Variants in HS3ST3A1 observed in about 807,000 individuals in gnomAD.
The protein encoded by HS3ST3A1 is heparan sulfate glucosamine 3-O-sulfotransferase 3A1.
HS3ST3A1 carries 19 observed loss-of-function variants against 25.7 expected under a neutral mutation model. That is an observed-to-expected ratio of 0.74 (90% confidence interval 0.52 to 1.08). HS3ST3A1 has a LOEUF of 1.08. Among genes scored for constraint, HS3ST3A1 ranks in the 50% least tolerant of loss-of-function variants. The pLI is 0.00. For missense variants in HS3ST3A1, 459 were observed against 594.3 expected, an observed-to-expected ratio of 0.77 and a Z score of 2.37; for synonymous variants, 226 against 278.6, an observed-to-expected ratio of 0.81 and a Z score of 1.88.
chr17:13,533,935 A>G (rs922339956), intron 1 of HS3ST3A1, among the ~76,000 whole-genome samples: 2 of 152,224 alleles, frequency 1.3e-5, no homozygotes, highest in Non-Finnish European at 2.9e-5. Context: ...GAAAGAAATT[A>G]GGATGAATTT....
chr17:13,568,264 C>T (rs1035064039), intron 1 of HS3ST3A1, among the ~76,000 whole-genome samples: 3 of 152,252 alleles, frequency 2.0e-5, no homozygotes, highest in South Asian at 4.1e-4. Flanking sequence ...TTACATAGCA[C>T]GCTTAATAGA....
intron 1 of HS3ST3A1, among the ~76,000 whole-genome samples, chr17:13,528,970 C>G (rs948257601): frequency 1.3e-5 from 2 of 151,866 alleles, no homozygotes; most frequent in Non-Finnish European, 2.9e-5. Context: ...CTGGGAAATA[C>G]GGGATCCAAC....
At chr17:13,595,107 T>G (rs2142396722) in intron 1 of HS3ST3A1, among the ~76,000 whole-genome samples, 1 of 152,036 alleles carries the variant, frequency 6.6e-6, no homozygotes, top group Admixed American at 6.5e-5. Context: ...ACATTTATTG[T>G]CATCAGACAA....
chr17:13,502,026 T>A (rs762445640), intron 1 of HS3ST3A1, among the ~76,000 whole-genome samples: 57 of 152,156 alleles, frequency 3.7e-4, no homozygotes, highest in Non-Finnish European at 7.6e-4. Flanking sequence ...GGTGCAGTTG[T>A]GCCAGGAAGG....
intron 1 of HS3ST3A1, among the ~76,000 whole-genome samples, chr17:13,594,785 G>A (rs1041954733): frequency 2.6e-5 from 4 of 151,354 alleles, no homozygotes; most frequent in Non-Finnish European, 4.4e-5. Flanking sequence ...AAGGCAAAGT[G>A]CAGCTCATCC....
At chr17:13,550,910 T>C (rs899809137) in intron 1 of HS3ST3A1, among the ~76,000 whole-genome samples, 34 of 150,552 alleles carry the variant, frequency 2.3e-4, no homozygotes, top group Admixed American at 1.3e-4. Flanking sequence ...CTACGAAAAA[T>C]ACAAAAATTA....
At chr17:13,552,219 A>G (rs1284779070) in intron 1 of HS3ST3A1, among the ~76,000 whole-genome samples, 1 of 152,150 alleles carries the variant, frequency 6.6e-6, no homozygotes, top group Non-Finnish European at 1.5e-5. Context: ...AGCTGAGATT[A>G]CAGGCACACA....
intron 1 of HS3ST3A1, among the ~76,000 whole-genome samples, chr17:13,593,258 T>C (rs1038779950): frequency 8.5e-6 from 1 of 117,576 alleles, no homozygotes; most frequent in Non-Finnish European, 1.9e-5. Flanking sequence ...AAAAAAGTCA[T>C]ACGCCCAAGT....
At chr17:13,527,938 C>T (rs1323642423) in intron 1 of HS3ST3A1, among the ~76,000 whole-genome samples, 2 of 152,160 alleles carry the variant, frequency 1.3e-5, no homozygotes, top group Non-Finnish European at 1.5e-5. Context: ...GCAGATATCA[C>T]GATATCACTA....
At chr17:13,530,266 G>T (rs1408965984) in intron 1 of HS3ST3A1, among the ~76,000 whole-genome samples, 1 of 152,094 alleles carries the variant, frequency 6.6e-6, no homozygotes, top group East Asian at 1.9e-4. Flanking sequence ...AATCATTTGA[G>T]GTATAAATGA....
intron 1 of HS3ST3A1, among the ~76,000 whole-genome samples, chr17:13,526,567 T>G (rs929951625): frequency 1.1e-4 from 16 of 146,368 alleles, no homozygotes; most frequent in African/African-American, 4.0e-4. Flanking sequence ...AAAAAATATA[T>G]ATTCTCCTCA....
At chr17:13,576,991 C>T (rs185985337) in intron 1 of HS3ST3A1, among the ~76,000 whole-genome samples, 1 of 152,276 alleles carries the variant, frequency 6.6e-6, no homozygotes, top group East Asian at 1.9e-4. Flanking sequence ...TTCCACATGG[C>T]TGGGGAGGCC....
intron 1 of HS3ST3A1, among the ~76,000 whole-genome samples, chr17:13,537,299 A>G (rs928690870): frequency 2.0e-5 from 3 of 152,222 alleles, no homozygotes; most frequent in Non-Finnish European, 2.9e-5. Context: ...ATCGTGTGGC[A>G]TATTTTATGC....
In HS3ST3A1 at chr17:13,601,226, G is replaced by T. The variant is rs921538554; in HGVS notation, c.-97C>A. On this transcript the variant is annotated 5_prime_UTR_variant, in exon 1 of 2. Transcript: ENST00000284110. The stretch of plus-strand genomic sequence containing the variant: ...CCCCCGGCGGGCCAGCGCGCTGGAC[G>T]GAGGCCACATCGCCGTGCGCCCCTG... The T allele has an allele frequency of 2.2e-6, 2 of 909,462 alleles. No individual in the cohort carries two copies. The highest frequency in any genetic ancestry group is 3.1e-6 in the Non-Finnish European group (2 of 644,396). The allele number at this position is 909,462 out of a possible 1,614,324, so 56.3% of individuals were successfully genotyped here. A position where few individuals can be genotyped will look rare whatever the true frequency, so the allele number is the denominator to read the frequency against.
At chr17:13,594,827 A>C (rs1908530808) in intron 1 of HS3ST3A1, among the ~76,000 whole-genome samples, 2 of 152,114 alleles carry the variant, frequency 1.3e-5, no homozygotes, top group Admixed American at 1.3e-4. Flanking sequence ...TATAAGTGCT[A>C]CCTAAACACA....
chr17:13,574,258 C>T (rs1025790942), intron 1 of HS3ST3A1, among the ~76,000 whole-genome samples: 5 of 151,452 alleles, frequency 3.3e-5, no homozygotes, highest in African/African-American at 9.7e-5. Context: ...CTCAGACTCC[C>T]AAGTAGCTGG....
At chr17:13,517,436 T>C (rs964603218) in intron 1 of HS3ST3A1, among the ~76,000 whole-genome samples, 79 of 152,260 alleles carry the variant, frequency 5.2e-4, no homozygotes, top group Admixed American at 1.5e-3. Context: ...TATAAGGGAA[T>C]GTTTATGTTC....
At chr17:13,574,650 G>A (rs542262299) in intron 1 of HS3ST3A1, among the ~76,000 whole-genome samples, 72 of 151,926 alleles carry the variant, frequency 4.7e-4, no homozygotes, top group African/African-American at 1.3e-3. Flanking sequence ...CCCAGGAGGT[G>A]GAGCCTGCAG....
In HS3ST3A1 at chr17:13,552,119, G is replaced by A. The variant is rs1042446290; in HGVS notation, c.599+48412C>T. On this transcript the variant is annotated intron_variant, in intron 1 of 1. Transcript: ENST00000284110. ...TTTTGAGACAGAGTCTCGTTCTGTC[G>A]CCCAGGCTGGAGTGCAGTGGCACGA... Among the ~76,000 whole-genome samples the A allele has an allele frequency of 5.3e-5, 8 of 151,934 alleles. No homozygotes were observed. In the South Asian group the frequency reaches 8.3e-4, roughly 16 times the overall value.
Sources: allele counts gnomAD v4.1 joint callset (sites outside exome capture counted in the v4.1 genomes callset), GRCh38; gene constraint gnomAD v4.1.1; transcripts MANE v1.5; gene names NCBI Gene and HGNC (gene_info 2026-07-23, HGNC 2026-07-21).